Variants in PTPRT observed in about 807,000 individuals in gnomAD.
PTPRT encodes receptor-type tyrosine-protein phosphatase T.
Under a neutral mutation model 176.8 loss-of-function variants are expected in PTPRT, and 56 were observed. The ratio of observed to expected loss-of-function variants is 0.32; its 90% CI spans 0.26 to 0.40. PTPRT has a LOEUF of 0.40. PTPRT is among the 10% of genes least tolerant of loss of function. The pLI is 1.00. For synonymous variants in PTPRT, 783 were observed against 739.0 expected (o/e 1.06, Z -0.96); for missense variants, 1,540 against 1,908.2 (o/e 0.81, Z 3.60).
intron 1 of PTPRT, among the ~76,000 whole-genome samples, chr20:43,085,046 T>A (rs1354528222): frequency 6.6e-6 from 1 of 152,220 alleles, no homozygotes; most frequent in Non-Finnish European, 1.5e-5. Context: ...TCCCTTCTGC[T>A]AAAGATCATA....
chr20:42,240,710 C>CCATGCATGCATGCATGCATG (rs2056336565), intron 14 of PTPRT, among the ~76,000 whole-genome samples: 1 of 94,728 alleles, frequency 1.1e-5, no homozygotes, highest in Non-Finnish European at 2.2e-5. Context: ...ATGCATGCAT[C>CCATGCATGCATGCATGCATG]CATCCATCCC....
intron 1 of PTPRT, among the ~76,000 whole-genome samples, chr20:42,958,684 A>G (rs1981814917): frequency 6.6e-6 from 1 of 151,676 alleles, no homozygotes; most frequent in Admixed American, 6.6e-5. Flanking sequence ...CACATAATTT[A>G]TCATCTACAC....
At chr20:42,153,181 C>G (rs560226425) in intron 17 of PTPRT, among the ~76,000 whole-genome samples, 4 of 152,340 alleles carry the variant, frequency 2.6e-5, no homozygotes, top group African/African-American at 9.6e-5. Context: ...AGACCACGAG[C>G]TTTCTTTAAA....
intron 16 of PTPRT, among the ~76,000 whole-genome samples, chr20:42,181,490 C>G (rs1456700493): frequency 6.6e-6 from 1 of 152,154 alleles, no homozygotes; most frequent in Non-Finnish European, 1.5e-5. Flanking sequence ...CTCTCCCAGA[C>G]TAGTGCAATG....
chr20:42,091,052 C>T (rs546664038), intron 27 of PTPRT, among the ~76,000 whole-genome samples: 15 of 151,570 alleles, frequency 9.9e-5, no homozygotes, highest in African/African-American at 2.9e-4. Context: ...ATGAACACAC[C>T]GGGGAGAGGA....
At chr20:42,676,106 C>T (rs1379383771) in intron 7 of PTPRT, among the ~76,000 whole-genome samples, 1 of 152,156 alleles carries the variant, frequency 6.6e-6, no homozygotes, top group African/African-American at 2.4e-5. Flanking sequence ...TGTTGGCACT[C>T]AGTAAGTTTC....
intron 1 of PTPRT, among the ~76,000 whole-genome samples, chr20:43,049,061 T>C (rs1043941028): frequency 1.3e-5 from 2 of 152,162 alleles, no homozygotes; most frequent in African/African-American, 4.8e-5. Context: ...AGCAGCTGGT[T>C]CTGCTTCAGA....
At chr20:42,180,843 A>G (rs1478675225) in intron 16 of PTPRT, among the ~76,000 whole-genome samples, 2 of 152,172 alleles carry the variant, frequency 1.3e-5, no homozygotes, top group African/African-American at 4.8e-5. Flanking sequence ...ATTTCTCACT[A>G]TTCGGGAGGG....
intron 1 of PTPRT, among the ~76,000 whole-genome samples, chr20:43,069,082 C>T (rs1280020440): frequency 6.6e-6 from 1 of 152,148 alleles, no homozygotes; most frequent in Non-Finnish European, 1.5e-5. Flanking sequence ...AAGATGTGAG[C>T]TCTGCTCTCC....
chr20:42,232,990 C>T (rs1229363092), intron 15 of PTPRT, among the ~76,000 whole-genome samples: 1 of 152,008 alleles, frequency 6.6e-6, no homozygotes, highest in African/African-American at 2.4e-5. Context: ...CTATGGCCAA[C>T]CAACTCCTCC....
rs534963786 is a variant in PTPRT at position 42,873,918 on chromosome 20, T to C, written c.214+11889A>G. On this transcript the variant is annotated intron_variant, in intron 2 of 30. Transcript: ENST00000373187. ...ATATTTATACTAAACTATTTCCTTT[T>C]CTTACCAAATATCTTAGAATGCATA... Among the ~76,000 whole-genome samples the C allele has an allele frequency of 3.9e-5, 6 of 152,368 alleles. No individual in the cohort carries two copies. In the East Asian group the frequency reaches 1.2e-3, roughly 29 times the overall value.
intron 29 of PTPRT, among the ~76,000 whole-genome samples, chr20:42,082,672 TAGGGATAC>T (rs1983458403): frequency 6.6e-6 from 1 of 152,198 alleles, no homozygotes; most frequent in Admixed American, 6.5e-5. Flanking sequence ...ATCTTGAGTC[TAGGGATAC>T]AGGGTTGGTG....
At chr20:42,596,059 C>T (rs2073665493) in intron 7 of PTPRT, among the ~76,000 whole-genome samples, 1 of 152,170 alleles carries the variant, frequency 6.6e-6, no homozygotes, top group Non-Finnish European at 1.5e-5. Flanking sequence ...ATAATTTATT[C>T]ATTCATCCAC....
chr20:42,965,707 C>T (rs1244329565), intron 1 of PTPRT, among the ~76,000 whole-genome samples: 1 of 152,080 alleles, frequency 6.6e-6, no homozygotes, highest in East Asian at 1.9e-4. Context: ...CAAATAGAGG[C>T]ACACAAAGCT....
At chr20:42,293,125 C>G (rs73120064) in intron 12 of PTPRT, among the ~76,000 whole-genome samples, 1,900 of 152,340 alleles carry the variant, frequency 0.012, 45 homozygotes, top group African/African-American at 0.043. Flanking sequence ...ATGAGCCATA[C>G]TCTAAGAAAG....
intron 7 of PTPRT, among the ~76,000 whole-genome samples, chr20:42,538,788 C>T (rs1014159309): frequency 1.3e-5 from 2 of 152,166 alleles, no homozygotes; most frequent in Non-Finnish European, 2.9e-5. Flanking sequence ...TAATCTGCCA[C>T]TTCCAGTCCA....
chr20:43,059,863 C>T (rs1568759720), intron 1 of PTPRT, among the ~76,000 whole-genome samples: 1 of 152,028 alleles, frequency 6.6e-6, no homozygotes, highest in African/African-American at 2.4e-5. Context: ...TCTATAATCC[C>T]AGCTACTCAG....
intron 6 of PTPRT, among the ~76,000 whole-genome samples, chr20:42,683,732 T>G (rs1002549263): frequency 1.2e-4 from 19 of 152,212 alleles, no homozygotes; most frequent in African/African-American, 4.3e-4. Flanking sequence ...CATACAATAA[T>G]GGACTGAGGA....
At chr20:42,330,729 G>GT (rs752250315) in intron 11 of PTPRT, among the ~76,000 whole-genome samples, 29 of 152,080 alleles carry the variant, frequency 1.9e-4, no homozygotes, top group Non-Finnish European at 3.7e-4. Context: ...TAATAAACTT[G>GT]TTTTTTGTTA....
Sources: allele counts gnomAD v4.1 joint callset (sites outside exome capture counted in the v4.1 genomes callset), GRCh38; gene constraint gnomAD v4.1.1; transcripts MANE v1.5; gene names NCBI Gene and HGNC (gene_info 2026-07-23, HGNC 2026-07-21).